Variants in PCDHA1 observed in about 807,000 individuals in gnomAD.
The protein encoded by PCDHA1 is protocadherin alpha-1.
In PCDHA1, 42 loss-of-function variants were observed where a neutral mutation model predicts 61.3. The observed-to-expected ratio is 0.69, with a 90% confidence interval of 0.54 to 0.89. The LOEUF (loss-of-function observed/expected upper bound fraction) is 0.89. PCDHA1 is among the 40% of genes least tolerant of loss of function. The pLI, the probability that PCDHA1 is intolerant of heterozygous loss-of-function variation, is 0.00. For synonymous variants in PCDHA1, 610 were observed against 553.8 expected, an observed-to-expected ratio of 1.10 and a Z score of -1.43; for missense variants, 1,256 against 1,235.3, an observed-to-expected ratio of 1.02 and a Z score of -0.25.
At chr5:140,869,139 AC>A in intron 1 of PCDHA1, 1 of 1,613,274 alleles carries the variant, frequency 6.2e-7, no homozygotes. Flanking sequence ...TGGGCACCCC[AC>A]GACTACAGCT....
chr5:140,829,308 C>T (rs2150165692), intron 1 of PCDHA1: 15 of 1,614,240 alleles, frequency 9.3e-6, no homozygotes, highest in East Asian at 2.2e-5. Flanking sequence ...AATTACTACT[C>T]GTTGGTGCTG....
chr5:140,822,315 T>TGTTAAAAC (rs1562263935), intron 1 of PCDHA1: 1 of 1,614,082 alleles, frequency 6.2e-7, no homozygotes, highest in Admixed American at 1.7e-5. Context: ...TTGACTTAGA[T>TGTTAAAAC]GTTAAAACAA....
At chr5:140,996,933 T>G (rs2097753695) in intron 3 of PCDHA1, among the ~76,000 whole-genome samples, 1 of 152,186 alleles carries the variant, frequency 6.6e-6, no homozygotes, top group African/African-American at 2.4e-5. Flanking sequence ...ATATAGCATT[T>G]TTGCATAGAA....
intron 1 of PCDHA1, among the ~76,000 whole-genome samples, chr5:140,921,161 T>A (rs201050388): frequency 2.1e-5 from 3 of 141,450 alleles, no homozygotes; most frequent in African/African-American, 5.2e-5. Context: ...ATTTTTTTTT[T>A]AACACACATA....
At chr5:140,850,285 T>G in intron 1 of PCDHA1, 1 of 1,595,606 alleles carries the variant, frequency 6.3e-7, no homozygotes, top group Non-Finnish European at 8.6e-7. Context: ...GTGCGCGCAG[T>G]GGACGCCGAC....
At chr5:140,799,495 T>C (rs557101632) in intron 1 of PCDHA1, among the ~76,000 whole-genome samples, 1 of 152,174 alleles carries the variant, frequency 6.6e-6, no homozygotes, top group East Asian at 1.9e-4. Flanking sequence ...GTCCATGCTT[T>C]TCAGAAATAA....
intron 1 of PCDHA1, among the ~76,000 whole-genome samples, chr5:140,885,128 T>A (rs2060480813): frequency 6.6e-6 from 1 of 152,222 alleles, no homozygotes; most frequent in Non-Finnish European, 1.5e-5. Context: ...CTTTTCTTTC[T>A]TTCTTTTTTT....
intron 3 of PCDHA1, among the ~76,000 whole-genome samples, chr5:140,989,274 G>A (rs3756325): frequency 0.3 from 45,270 of 152,016 alleles, 6,976 homozygotes; most frequent in East Asian, 0.43. Flanking sequence ...GTTTCTGCTG[G>A]GGACATCTCA....
At chr5:140,794,759 GAATA>G in intron 1 of PCDHA1, 1 of 584,528 alleles carries the variant, frequency 1.7e-6, no homozygotes. Context: ...TAAATCTACA[GAATA>G]AACAGTAGAG....
At chr5:140,993,310 A>G (rs1013688133) in intron 3 of PCDHA1, among the ~76,000 whole-genome samples, 2 of 152,038 alleles carry the variant, frequency 1.3e-5, no homozygotes, top group African/African-American at 4.8e-5. Context: ...CTCCAGGATA[A>G]TACCTTCTAA....
intron 1 of PCDHA1, chr5:140,967,958 C>T (rs202159883): frequency 5.6e-6 from 9 of 1,614,182 alleles, no homozygotes; most frequent in East Asian, 2.2e-5. Flanking sequence ...AGGCCCCAAC[C>T]GGAAAGTGAG....
In PCDHA1 at chr5:140,915,351, C is replaced by G. The variant is rs75854979; in HGVS notation, c.2395-63598C>G. Among the ~76,000 whole-genome samples, 843 of 152,202 alleles carry G rather than the reference C, an allele frequency of 5.5e-3. 10 individuals carry two copies. Among genetic ancestry groups the G allele is most frequent in the African/African-American group, 0.019 (796 of 41,530 alleles). On this transcript the variant is annotated intron_variant, in intron 1 of 3. Coordinates refer to ENST00000504120, the MANE Select transcript of PCDHA1 (RefSeq NM_018900.4). ...TAATATTCTGTGTTTTTCTGTATGC[C>G]TATTCTTACCAGTAAGTGTCTCGGC...
intron 1 of PCDHA1, chr5:140,797,061 C>G (rs1554120281): frequency 6.2e-7 from 1 of 1,613,846 alleles, no homozygotes; most frequent in East Asian, 2.2e-5. Flanking sequence ...TCAACGTGTA[C>G]CTGATCATCG....
intron 3 of PCDHA1, among the ~76,000 whole-genome samples, chr5:140,985,608 G>T (rs76669319): frequency 6.6e-6 from 1 of 152,052 alleles, no homozygotes; most frequent in Non-Finnish European, 1.5e-5. Context: ...AGCCCTTTCC[G>T]TGAACCAGCT....
intron 1 of PCDHA1, among the ~76,000 whole-genome samples, chr5:140,947,308 A>G (rs1554218155): frequency 1.3e-5 from 2 of 151,606 alleles, no homozygotes; most frequent in Non-Finnish European, 3.0e-5. Context: ...ACATCTTTGT[A>G]AAAAGTCGGT....
intron 1 of PCDHA1, among the ~76,000 whole-genome samples, chr5:140,907,278 A>G (rs558447183): frequency 2.6e-5 from 4 of 152,338 alleles, no homozygotes; most frequent in African/African-American, 7.2e-5. Context: ...CCATCATTCT[A>G]TCAATCCAGC....
chr5:140,899,848 C>T (rs2067590475), intron 1 of PCDHA1, among the ~76,000 whole-genome samples: 1 of 152,178 alleles, frequency 6.6e-6, no homozygotes, highest in Non-Finnish European at 1.5e-5. Flanking sequence ...TGCTGTGTCA[C>T]CCAGGCTGGA....
chr5:140,995,284 G>A (rs1439846116), intron 3 of PCDHA1, among the ~76,000 whole-genome samples: 2 of 152,112 alleles, frequency 1.3e-5, no homozygotes, highest in African/African-American at 4.8e-5. Flanking sequence ...TACCAAAACA[G>A]CCAGTCGGAT....
chr5:140,942,995 G>A (rs933167090), intron 1 of PCDHA1, among the ~76,000 whole-genome samples: 7 of 152,042 alleles, frequency 4.6e-5, no homozygotes, highest in African/African-American at 1.2e-4. Context: ...GGTGGCTCAT[G>A]CCTGTAATCC....
Sources: gnomAD v4.1 joint callset for allele counts (sites outside exome capture counted in the v4.1 genomes callset) on GRCh38, gnomAD v4.1.1 for gene constraint, MANE v1.5 for transcripts, NCBI Gene and HGNC (gene_info 2026-07-23, HGNC 2026-07-21) for gene names.